ZNF407: variants seen among roughly 807,000 people sequenced by gnomAD.
ZNF407 encodes the protein zinc finger protein 407.
ZNF407 carries 17 observed loss-of-function variants against 131.2 expected under a neutral mutation model. That is an observed-to-expected ratio of 0.13 (90% CI 0.09 to 0.19). ZNF407 has a LOEUF of 0.19. ZNF407 is among the 10% of genes least tolerant of loss of function. The pLI is 1.00. For missense variants in ZNF407, 2,681 were observed against 2,830.6 expected (o/e 0.95, Z 1.20); for synonymous variants, 1,156 against 1,062.0 (o/e 1.09, Z -1.72).
chr18:74,637,635 G>A (rs1984521193), intron 2 of ZNF407, among the ~76,000 whole-genome samples: 1 of 152,080 alleles, frequency 6.6e-6, no homozygotes. Flanking sequence ...ATTTTTTGGG[G>A]AAGTTGGTCT....
intron 4 of ZNF407, among the ~76,000 whole-genome samples, chr18:74,796,149 G>C (rs1363568381): frequency 6.6e-6 from 1 of 152,168 alleles, no homozygotes; most frequent in East Asian, 1.9e-4. Context: ...TTTTATCATG[G>C]TGACTTGAAG....
intron 8 of ZNF407, among the ~76,000 whole-genome samples, chr18:75,055,398 T>A (rs1039745): frequency 3.9e-5 from 6 of 152,096 alleles, no homozygotes; most frequent in East Asian, 1.9e-4. Context: ...ACAGTTAACC[T>A]CTGCCCTTCC....
intron 4 of ZNF407, among the ~76,000 whole-genome samples, chr18:74,872,271 A>G (rs1971097780): frequency 6.6e-6 from 1 of 151,462 alleles, no homozygotes. Context: ...TTGTTGCAAC[A>G]TTTTATATAA....
chr18:74,999,379 A>T (rs1972818919), intron 8 of ZNF407, among the ~76,000 whole-genome samples: 1 of 148,594 alleles, frequency 6.7e-6, no homozygotes. Flanking sequence ...AAAAAAACAA[A>T]GGTAAAACTT....
intron 4 of ZNF407, among the ~76,000 whole-genome samples, chr18:74,838,353 C>G (rs1304765820): frequency 6.6e-6 from 1 of 152,196 alleles, no homozygotes; most frequent in Admixed American, 6.5e-5. Flanking sequence ...GTACCAAGTT[C>G]AGTATACAAT....
At chr18:74,656,545 A>G (rs746798859) in intron 3 of ZNF407, among the ~76,000 whole-genome samples, 6 of 152,172 alleles carry the variant, frequency 3.9e-5, no homozygotes, top group Non-Finnish European at 7.3e-5. Flanking sequence ...GAACCTGGAC[A>G]TACTGATTGT....
chr18:74,858,071 C>T (rs987335392), intron 4 of ZNF407, among the ~76,000 whole-genome samples: 1 of 141,262 alleles, frequency 7.1e-6, no homozygotes, highest in Non-Finnish European at 1.6e-5. Flanking sequence ...TCCTTCATTT[C>T]CTACTTCCCC....
intron 7 of ZNF407, among the ~76,000 whole-genome samples, chr18:74,894,364 GAAAA>G (rs137998621): frequency 6.6e-6 from 1 of 150,948 alleles, no homozygotes; most frequent in African/African-American, 2.4e-5. Flanking sequence ...GCATTAAAAT[GAAAA>G]AAAATAACAT....
intron 3 of ZNF407, among the ~76,000 whole-genome samples, chr18:74,764,434 T>C (rs1969182075): frequency 6.6e-6 from 1 of 152,216 alleles, no homozygotes; most frequent in Non-Finnish European, 1.5e-5. Context: ...TTAAAAAATA[T>C]CTTCCATCTC....
chr18:74,698,924 G>A (rs1257502062), intron 3 of ZNF407, among the ~76,000 whole-genome samples: 3 of 152,058 alleles, frequency 2.0e-5, no homozygotes, highest in South Asian at 2.1e-4. Flanking sequence ...AGAGGAATTG[G>A]CCATTTCCAT....
At chr18:74,929,714 G>A (rs529181550) in intron 8 of ZNF407, among the ~76,000 whole-genome samples, 6 of 152,238 alleles carry the variant, frequency 3.9e-5, no homozygotes, top group East Asian at 1.9e-4. Flanking sequence ...AGCTGAAGCC[G>A]TTTACTAAAG....
At position 74,703,841 on chromosome 18, in the gene ZNF407, A is replaced by T. The variant is rs2144828184; in HGVS notation, c.4802+62719A>T. On this transcript the variant is annotated intron_variant, in intron 3 of 8. Coordinates refer to ENST00000299687, the MANE Select transcript of ZNF407 (RefSeq NM_017757.3). This position sits in a 1 kb window ranked among gnomAD's most constrained non-coding sequence, Gnocchi z 4.1. Reference sequence around the variant, plus strand: ...AGTTTTGTTGATTAATTAATCATTTAATATTCTTAGGTAAGTTGAGATATG... The same window carrying T: ...AGTTTTGTTGATTAATTAATCATTTTATATTCTTAGGTAAGTTGAGATATG... 6.6e-6 allele frequency among the ~76,000 whole-genome samples: 1 copy of T among 152,240 alleles called. No homozygotes were observed. Among genetic ancestry groups the T allele is most frequent in the South Asian group, 2.1e-4 (1 of 4,820 alleles).
intron 8 of ZNF407, among the ~76,000 whole-genome samples, chr18:74,972,245 C>T (rs1972481335): frequency 6.6e-6 from 1 of 152,212 alleles, no homozygotes; most frequent in Non-Finnish European, 1.5e-5. Context: ...CCACCTCCTT[C>T]TCACTCCGAT....
intron 8 of ZNF407, among the ~76,000 whole-genome samples, chr18:74,922,188 A>G (rs1306157021): frequency 6.6e-6 from 1 of 152,244 alleles, no homozygotes; most frequent in Non-Finnish European, 1.5e-5. Flanking sequence ...GAGTTGAAAT[A>G]TCTCTGGCCA....
chr18:75,014,213 G>T (rs188106799), intron 8 of ZNF407, among the ~76,000 whole-genome samples: 1 of 152,054 alleles, frequency 6.6e-6, no homozygotes, highest in African/African-American at 2.4e-5. Flanking sequence ...GTTTACATTG[G>T]GATTTGGGGA....
In ZNF407 at chr18:74,822,891, A is replaced by T. The variant is rs554760555; in HGVS notation, c.4877+41389A>T. Among the ~76,000 whole-genome samples, 37 of 152,306 alleles carry T rather than the reference A, an allele frequency of 2.4e-4. No individual in the cohort carries two copies. In the South Asian group the frequency reaches 7.1e-3, roughly 29 times the overall value. On this transcript the variant is annotated intron_variant, in intron 4 of 8. Coordinates refer to ENST00000299687, the MANE Select transcript of ZNF407 (RefSeq NM_017757.3). ...CATTTTCACAATATTGATTCTTCCT[A>T]TCCATAAGCATAGAATATTTTTCCA...
intron 7 of ZNF407, among the ~76,000 whole-genome samples, chr18:74,894,389 T>C (rs1055365754): frequency 6.6e-5 from 10 of 152,140 alleles, no homozygotes; most frequent in Non-Finnish European, 1.0e-4. Context: ...TTTTCTATGT[T>C]TTTATTTTTC....
intron 8 of ZNF407, among the ~76,000 whole-genome samples, chr18:75,006,873 T>TA (rs1972917389): frequency 6.6e-6 from 1 of 152,156 alleles, no homozygotes; most frequent in African/African-American, 2.4e-5. Context: ...TATTGTTAGA[T>TA]ACAACTATGT....
intron 8 of ZNF407, among the ~76,000 whole-genome samples, chr18:74,989,727 C>T (rs1003068800): frequency 2.6e-5 from 4 of 151,794 alleles, no homozygotes; most frequent in African/African-American, 9.7e-5. Context: ...CCTGTAATCC[C>T]AGCTACTCAG....
Sources: gnomAD v4.1 joint callset for allele counts (sites outside exome capture counted in the v4.1 genomes callset) on GRCh38, gnomAD v4.1.1 for gene constraint, Gnocchi (gnomAD v3.1) non-coding constraint, MANE v1.5 for transcripts, NCBI Gene and HGNC (gene_info 2026-07-23, HGNC 2026-07-21) for gene names.